The following ADCY5 variants were observed in gnomAD, a reference collection of about 807,000 sequenced individuals.
ADCY5 encodes the protein adenylate cyclase 5.
In ADCY5, 30 loss-of-function variants were observed where a neutral mutation model predicts 119.7. That is an observed-to-expected ratio of 0.25 (90% CI 0.19 to 0.34). The LOEUF is 0.34. Among genes scored for constraint, ADCY5 ranks in the 10% least tolerant of loss-of-function variants. The pLI is 1.00. For missense variants in ADCY5, 1,324 were observed against 1,775.2 expected, an observed-to-expected ratio of 0.75 and a Z score of 4.57; for synonymous variants, 753 against 762.2, an observed-to-expected ratio of 0.99 and a Z score of 0.20.
chr3:123,431,451 A>G (rs1443542441), intron 1 of ADCY5, among the ~76,000 whole-genome samples: 1 of 152,122 alleles, frequency 6.6e-6, no homozygotes, highest in Admixed American at 6.5e-5. Context: ...TCAAAAGAAA[A>G]AAAAAAATGA....
intron 2 of ADCY5, among the ~76,000 whole-genome samples, 156 bp from the exon 3 acceptor site, chr3:123,348,059 GTGTGTCTGTGCA>G (rs1467674045): frequency 2.0e-5 from 3 of 150,882 alleles, no homozygotes; most frequent in Non-Finnish European, 4.4e-5. Context: ...GTGTGTGTGT[GTGTGTCTGTGCA>G]TGTGTGTGTA....
At position 123,289,959 on chromosome 3, in the gene ADCY5, A is replaced by G. The variant is rs945409296; in HGVS notation, c.3328-5T>C. The G allele has an allele frequency of 3.1e-6, 5 of 1,613,810 alleles. No homozygotes were observed. Among genetic ancestry groups the G allele is most frequent in the Non-Finnish European group, 3.4e-6 (4 of 1,179,904 alleles). On this transcript the variant is annotated splice_region_variant and splice_polypyrimidine_tract_variant and intron_variant, in intron 18 of 20. Transcript: ENST00000462833. ...GAACCGATCCTCGCTGATGATCTGG[A>G]TGAAGGAGGCCAAACCTGGGTCACC... is the stretch of plus-strand genomic sequence containing the variant.
At chr3:123,433,685 CA>C (rs1945559831) in intron 1 of ADCY5, among the ~76,000 whole-genome samples, 1 of 152,100 alleles carries the variant, frequency 6.6e-6, no homozygotes, top group Non-Finnish European at 1.5e-5. Flanking sequence ...GAATACTACT[CA>C]ACAGAGAGAC....
At chr3:123,368,157 G>T in intron 1 of ADCY5, 1 of 834,528 alleles carries the variant, frequency 1.2e-6, no homozygotes, top group Non-Finnish European at 1.8e-6. Context: ...ACAGGAATCT[G>T]AATGCGCTCA....
Position 123,328,774 on chromosome 3 carries a change from C to T in ADCY5, c.1675G>A (p.Val559Met), listed in dbSNP as rs756373403. 1 of 1,614,098 alleles carries T rather than the reference C, an allele frequency of 6.2e-7. No homozygotes were observed. The highest frequency in any genetic ancestry group is 1.3e-5 in the African/African-American group (1 of 74,934). Residue 559 changes from valine (V) to methionine (M), a missense_variant, in exon 6 of 21, where the codon GTG becomes ATG. Val to Met is a conservative substitution (Grantham distance 21, BLOSUM62 1). Transcript: ENST00000462833. ...CTGTGAATTCCCACACGCATGTTCA[C>T]GTTCACCCCTGTCACCTCCCGGACC... ...SLVREVTGVN[V>M]NMRVGIHSGR... is the part of the protein sequence containing the mutation.
intron 1 of ADCY5, among the ~76,000 whole-genome samples, chr3:123,408,047 T>C (rs1165986827): frequency 6.6e-6 from 1 of 152,066 alleles, no homozygotes; most frequent in African/African-American, 2.4e-5. Flanking sequence ...ATCAATTATG[T>C]ACAGAATTAT....
At chr3:123,439,712 G>C (rs912614017) in intron 1 of ADCY5, among the ~76,000 whole-genome samples, 17 of 152,128 alleles carry the variant, frequency 1.1e-4, no homozygotes. Context: ...CCCTCCAAGG[G>C]ACACATTTAG....
At chr3:123,340,265 G>A (rs1310433690) in intron 3 of ADCY5, among the ~76,000 whole-genome samples, 1 of 152,102 alleles carries the variant, frequency 6.6e-6, no homozygotes, top group Non-Finnish European at 1.5e-5. Flanking sequence ...ACTCCAGCCT[G>A]GGTGACAGAC....
Position 123,448,583 on chromosome 3 carries a change from G to A in ADCY5, c.-38C>T. 1 of 1,264,988 alleles carries A rather than the reference G, an allele frequency of 7.9e-7. No homozygotes were observed. 78.4% of individuals were successfully genotyped at this position (1,264,988 alleles called of 1,614,324 possible). ...CTCGTCGTCTCCTTCCTCCTCCCCC[G>A]GAAGCCGGGCCGGGGGTCTCCAAGG... On this transcript the variant is annotated 5_prime_UTR_variant, in exon 1 of 21. Coordinates refer to ENST00000462833, the MANE Select transcript of ADCY5 (RefSeq NM_183357.3).
intron 1 of ADCY5, among the ~76,000 whole-genome samples, chr3:123,381,731 G>T (rs559267083): frequency 6.6e-6 from 1 of 152,090 alleles, no homozygotes; most frequent in East Asian, 1.9e-4. Flanking sequence ...GGCTTCCATC[G>T]CTCCTGAGAG....
intron 1 of ADCY5, among the ~76,000 whole-genome samples, chr3:123,377,358 G>A (rs1943871987): frequency 6.6e-6 from 1 of 152,230 alleles, no homozygotes; most frequent in South Asian, 2.1e-4. Context: ...GCATGTGCCA[G>A]CCCCTCTCCC....
chr3:123,366,549 G>T (rs1379339912), intron 1 of ADCY5, among the ~76,000 whole-genome samples: 2 of 152,252 alleles, frequency 1.3e-5, no homozygotes, highest in African/African-American at 2.4e-5. Flanking sequence ...GTATATGACA[G>T]GGGCTCAGGT....
chr3:123,286,371 A>G lies in ADCY5; in HGVS notation c.3657+314T>C, dbSNP rs1236159832. 4.6e-5 allele frequency among the ~76,000 whole-genome samples: 7 copies of G among 152,290 alleles called. No homozygotes were observed. The East Asian group carries it at 1.2e-3, about 25-fold the overall frequency. ...TGCATCCTCTCTGTGTGCCTGGGCT[A>G]GGAGGCACTGGGGCCTGCATGTGCA... On this transcript the variant is annotated intron_variant, in intron 20 of 20. Transcript: ENST00000462833. The surrounding 1 kb of genome is among the most constrained non-coding windows in gnomAD (Gnocchi z 4.2).
intron 1 of ADCY5, among the ~76,000 whole-genome samples, chr3:123,396,047 A>AAG (rs1944544716): frequency 1.3e-5 from 1 of 76,240 alleles, no homozygotes; most frequent in Non-Finnish European, 2.6e-5. Flanking sequence ...GGAGGGAGGG[A>AAG]GAGAGGGAGG....
chr3:123,380,450 T>G (rs532851035), intron 1 of ADCY5, among the ~76,000 whole-genome samples: 1 of 152,338 alleles, frequency 6.6e-6, no homozygotes, highest in Non-Finnish European at 1.5e-5. Flanking sequence ...CCTACAAAAC[T>G]GCCCACTGCC....
intron 17 of ADCY5, among the ~76,000 whole-genome samples, chr3:123,293,970 G>A (rs571652927): frequency 4.6e-5 from 7 of 152,182 alleles, no homozygotes; most frequent in African/African-American, 1.2e-4. Flanking sequence ...CTGCGATCGC[G>A]TGTGTTGGAA....
At chr3:123,344,352 G>A (rs1425957856) in intron 3 of ADCY5, among the ~76,000 whole-genome samples, 1 of 152,112 alleles carries the variant, frequency 6.6e-6, no homozygotes, top group Non-Finnish European at 1.5e-5. Context: ...GCCTTTCTTT[G>A]TTGATATGAG....
intron 1 of ADCY5, among the ~76,000 whole-genome samples, chr3:123,419,373 C>T (rs1421375596): frequency 1.3e-5 from 2 of 152,186 alleles, no homozygotes; most frequent in African/African-American, 2.4e-5. Flanking sequence ...AATCCTGTCA[C>T]TTTTCCAACA....
chr3:123,363,881 C>A (rs1576626026), intron 1 of ADCY5, among the ~76,000 whole-genome samples: 1 of 152,284 alleles, frequency 6.6e-6, no homozygotes, highest in East Asian at 1.9e-4. Flanking sequence ...TGAACTCCAG[C>A]CTGGGTGACA....
Sources: gnomAD v4.1 joint callset for allele counts (sites outside exome capture counted in the v4.1 genomes callset) on GRCh38, gnomAD v4.1.1 for gene constraint, Gnocchi (gnomAD v3.1) non-coding constraint, MANE v1.5 for transcripts, NCBI Gene and HGNC (gene_info 2026-07-23, HGNC 2026-07-21) for gene names.